Variants in MGAT5 observed in about 807,000 individuals in gnomAD.
MGAT5 encodes the protein alpha-1,6-mannosylglycoprotein 6-beta-N-acetylglucosaminyltransferase.
In MGAT5, 30 loss-of-function variants were observed where a neutral mutation model predicts 94.3. That is an observed-to-expected ratio of 0.32 (90% CI 0.24 to 0.43). The LOEUF is 0.43. MGAT5 is among the 20% of genes least tolerant of loss of function. The pLI is 1.00. For missense variants in MGAT5, 691 were observed against 905.5 expected (o/e 0.76, Z 3.04); for synonymous variants, 310 against 322.9 (o/e 0.96, Z 0.43).
intron 1 of MGAT5, among the ~76,000 whole-genome samples, chr2:134,228,661 T>G (rs999670202): frequency 6.6e-6 from 1 of 152,102 alleles, no homozygotes; most frequent in Admixed American, 6.5e-5. Flanking sequence ...TGCTTTCCAG[T>G]GGTTTCTGGG....
rs373377770 is a variant in MGAT5, at chr2:134,145,214, C to CTCTCTGTGTGTGTGTGTGTGTGTGTG, written c.-143+24924_-143+24925insCTCTGTGTGTGTGTGTGTGTGTGTGT. 1.1e-4 allele frequency among the ~76,000 whole-genome samples: 16 copies of CTCTCTGTGTGTGTGTGTGTGTGTGTG among 143,870 alleles called. No individual in the cohort carries two copies. In the East Asian group the frequency reaches 1.8e-3, roughly 17 times the overall value. 94.4% of individuals were successfully genotyped at this position (143,870 alleles called of 152,430 possible). ...GTAAGGTGTGTGTGTGTCTCTCTCTCTGTGTGTGTGTGTGTGTGTGTGTGT... is the reference window on the plus strand; with the variant it reads ...GTAAGGTGTGTGTGTGTCTCTCTCTCTCTCTGTGTGTGTGTGTGTGTGTGTGTGTGTGTGTGTGTGTGTGTGTGTGT... On this transcript the variant is annotated intron_variant, in intron 1 of 16. Transcript: ENST00000409645.
intron 1 of MGAT5, among the ~76,000 whole-genome samples, chr2:134,136,282 G>T (rs546313250): frequency 3.3e-5 from 5 of 152,216 alleles, no homozygotes; most frequent in African/African-American, 9.6e-5. Context: ...AAAAAAATTG[G>T]GGGGCCAGAC....
At chr2:134,273,073 G>C (rs141338574) in intron 2 of MGAT5, among the ~76,000 whole-genome samples, 1 of 152,262 alleles carries the variant, frequency 6.6e-6, no homozygotes, top group East Asian at 1.9e-4. Flanking sequence ...CATAGACACT[G>C]TCTTGGCCAA....
intron 2 of MGAT5, among the ~76,000 whole-genome samples, chr2:134,277,811 C>T (rs1684467548): frequency 6.6e-6 from 1 of 152,178 alleles, no homozygotes; most frequent in Admixed American, 6.5e-5. Flanking sequence ...GTGTATAGTG[C>T]TTTATAGATT....
At chr2:134,253,451 T>G (rs1682739988), upstream of MGAT5, among the ~76,000 whole-genome samples, 1 of 152,176 alleles carries the variant, frequency 6.6e-6, no homozygotes, top group Non-Finnish European at 1.5e-5. Context: ...TGTGCTGGCA[T>G]TAGATAGGAT....
chr2:134,424,162 G>A (rs1247028553), intron 13 of MGAT5, among the ~76,000 whole-genome samples: 1 of 152,180 alleles, frequency 6.6e-6, no homozygotes, highest in Admixed American at 6.5e-5. Flanking sequence ...AAAGGCATGG[G>A]TTCAAAGCAC....
chr2:134,193,745 C>T (rs1206344925), intron 1 of MGAT5, among the ~76,000 whole-genome samples: 1 of 150,166 alleles, frequency 6.7e-6, no homozygotes, highest in African/African-American at 2.5e-5. Context: ...AAGTTTCTAG[C>T]CCAGGCCCTG....
chr2:134,441,355 AG>A (rs974620195), intron 14 of MGAT5, among the ~76,000 whole-genome samples: 2 of 152,258 alleles, frequency 1.3e-5, no homozygotes, highest in Admixed American at 6.5e-5. Context: ...AGAACAGACC[AG>A]CTGGTGGAAG....
intron 1 of MGAT5, among the ~76,000 whole-genome samples, chr2:134,129,943 G>A (rs1013883989): frequency 2.6e-5 from 4 of 152,214 alleles, no homozygotes; most frequent in Non-Finnish European, 5.9e-5. Context: ...GGTGTGGAGG[G>A]AGAGGCGCAG....
intron 4 of MGAT5, 100 bp from the exon 5 acceptor site, chr2:134,336,117 A>G (rs1688317932): frequency 9.2e-6 from 8 of 871,628 alleles, no homozygotes; most frequent in Non-Finnish European, 1.5e-5. Flanking sequence ...ACATATTAAT[A>G]TAGTGCTAGT....
intron 2 of MGAT5, among the ~76,000 whole-genome samples, chr2:134,298,856 T>C (rs891440278): frequency 1.6e-4 from 25 of 152,096 alleles, no homozygotes; most frequent in African/African-American, 6.0e-4. Context: ...GAAAGACGAT[T>C]CCAGGCAGGA....
chr2:134,428,000 T>C (rs569342739), intron 13 of MGAT5, among the ~76,000 whole-genome samples: 1 of 152,374 alleles, frequency 6.6e-6, no homozygotes, highest in African/African-American at 2.4e-5. Flanking sequence ...GCATGGACTC[T>C]GCCCTGTGGA....
At chr2:134,382,139 C>T (rs548002436) in intron 10 of MGAT5, among the ~76,000 whole-genome samples, 22 of 152,128 alleles carry the variant, frequency 1.4e-4, no homozygotes, top group Admixed American at 9.8e-4. Context: ...TCTGTAATCC[C>T]AGCACGTTGG....
intron 1 of MGAT5, among the ~76,000 whole-genome samples, chr2:134,130,059 A>G (rs1686055882): frequency 6.6e-6 from 1 of 152,176 alleles, no homozygotes; most frequent in Non-Finnish European, 1.5e-5. Context: ...TGAGGGGCTT[A>G]GCACCCGTGC....
chr2:134,303,064 G>A (rs1006934183), intron 2 of MGAT5, among the ~76,000 whole-genome samples: 6 of 151,866 alleles, frequency 4.0e-5, no homozygotes, highest in African/African-American at 9.7e-5. Flanking sequence ...ACAAAGGTTC[G>A]CCTACATGAT....
intron 1 of MGAT5, among the ~76,000 whole-genome samples, chr2:134,145,245 T>TGTGTGTG (rs1558955417): frequency 2.6e-5 from 4 of 151,926 alleles, no homozygotes; most frequent in Non-Finnish European, 4.4e-5. Context: ...TGTGTGTGTG[T>TGTGTGTG]TTAAAGAACC....
At chr2:134,184,487 T>G (rs541586364) in intron 1 of MGAT5, among the ~76,000 whole-genome samples, 1 of 152,330 alleles carries the variant, frequency 6.6e-6, no homozygotes, top group Non-Finnish European at 1.5e-5. Flanking sequence ...TCAAGGCTCC[T>G]TCCAGAAGCT....
chr2:134,254,784 G>C, intron 1 of MGAT5, 140 bp downstream of exon 1: 1 of 1,213,160 alleles, frequency 8.2e-7, no homozygotes, highest in Non-Finnish European at 1.2e-6. Context: ...ACACAGAGAG[G>C]CATCTTTAGG....
chr2:134,235,282 A>G (rs1681577312), intron 1 of MGAT5, among the ~76,000 whole-genome samples: 2 of 152,138 alleles, frequency 1.3e-5, no homozygotes, highest in South Asian at 4.1e-4. Flanking sequence ...ATCTTAGATC[A>G]ATAGTTCTCA....
Sources: allele counts gnomAD v4.1 joint callset (sites outside exome capture counted in the v4.1 genomes callset), GRCh38; gene constraint gnomAD v4.1.1; transcripts MANE v1.5; gene names NCBI Gene and HGNC (gene_info 2026-07-23, HGNC 2026-07-21).